The following VPS13B variants were observed in gnomAD, a reference collection of about 807,000 sequenced individuals.
VPS13B encodes intermembrane lipid transfer protein VPS13B.
A neutral mutation model predicts 426.4 loss-of-function variants in VPS13B; 285 were observed. That is an observed-to-expected ratio of 0.67 (90% confidence interval 0.61 to 0.74). The LOEUF (loss-of-function observed/expected upper bound fraction) is 0.74. Among genes scored for constraint, VPS13B ranks in the 30% least tolerant of loss-of-function variants. The pLI is 0.00. For missense variants in VPS13B, 4,537 were observed against 4,782.6 expected, an observed-to-expected ratio of 0.95 and a Z score of 1.51; for synonymous variants, 1,676 against 1,676.4, an observed-to-expected ratio of 1.00 and a Z score of 0.01.
At chr8:99,500,086 A>G (rs1403444870) in intron 25 of VPS13B, among the ~76,000 whole-genome samples, 47 of 152,148 alleles carry the variant, frequency 3.1e-4, no homozygotes, top group Admixed American at 3.0e-3. Flanking sequence ...TTTAATTATC[A>G]TTCCTGCTTT....
At chr8:99,704,630 A>G (rs1832423626) in intron 36 of VPS13B, among the ~76,000 whole-genome samples, 2 of 152,166 alleles carry the variant, frequency 1.3e-5, no homozygotes, top group African/African-American at 4.8e-5. Flanking sequence ...CCAGAGGACA[A>G]ACTTAACTTT....
intron 55 of VPS13B, among the ~76,000 whole-genome samples, chr8:99,851,277 G>A (rs1816281119): frequency 6.6e-6 from 1 of 152,130 alleles, no homozygotes; most frequent in Non-Finnish European, 1.5e-5. Flanking sequence ...GGGCTTATTG[G>A]ATGCCTAGCA....
chr8:99,868,969 C>T lies in VPS13B; in HGVS notation c.11392+504C>T, dbSNP rs1010632098. Among the ~76,000 whole-genome samples the T allele has an allele frequency of 5.9e-5, 9 of 152,352 alleles. 1 individual carries two copies. Among genetic ancestry groups the T allele is most frequent in the African/African-American group, 2.2e-4 (9 of 41,584 alleles). On this transcript the variant is annotated intron_variant, in intron 59 of 61. Transcript: ENST00000357162. The stretch of plus-strand genomic sequence containing the variant: ...AAGGGTCTGCAACCAGAAGCCCTTT[C>T]ACAAGGCAGACAGCTGGGAAGTGCG...
At chr8:99,215,148 AG>A (rs1815314918) in intron 17 of VPS13B, among the ~76,000 whole-genome samples, 1 of 152,126 alleles carries the variant, frequency 6.6e-6, no homozygotes, top group South Asian at 2.1e-4. Flanking sequence ...AAAGATGATA[AG>A]TGTTGTATGT....
chr8:99,467,656 A>G (rs561060705), intron 24 of VPS13B, 22 bp downstream of exon 24: 1 of 1,601,800 alleles, frequency 6.2e-7, no homozygotes, highest in African/African-American at 1.5e-5. Context: ...TGATTTATGA[A>G]AGGAAATTTA....
rs549084697 is a variant in VPS13B, at chr8:99,862,594, T to A, written c.11215+648T>A. Reference sequence around the variant, plus strand: ...TTGCAGGGCAGGATTTTCAAGGATTTTTTTGTTTATTTGTTTGCAAAAGAA... The same window carrying A: ...TTGCAGGGCAGGATTTTCAAGGATTATTTTGTTTATTTGTTTGCAAAAGAA... On this transcript the variant is annotated intron_variant, in intron 58 of 61. Transcript: ENST00000357162. Among the ~76,000 whole-genome samples, 4 of 152,346 alleles carry A rather than the reference T, an allele frequency of 2.6e-5. No homozygotes were observed. In the South Asian group the frequency reaches 8.3e-4, roughly 32 times the overall value.
At chr8:99,510,675 T>C (rs1262176745) in intron 28 of VPS13B, among the ~76,000 whole-genome samples, 1 of 152,132 alleles carries the variant, frequency 6.6e-6, no homozygotes, top group East Asian at 1.9e-4. Flanking sequence ...CACATCTGGC[T>C]AATTTTTTGT....
intron 51 of VPS13B, among the ~76,000 whole-genome samples, chr8:99,827,928 C>A (rs1184172711): frequency 6.6e-6 from 1 of 151,882 alleles, no homozygotes; most frequent in Non-Finnish European, 1.5e-5. Flanking sequence ...TCTAATTGCA[C>A]TGTGGTCTGA....
chr8:99,342,970 T>G (rs1811332097), intron 19 of VPS13B, among the ~76,000 whole-genome samples: 2 of 152,186 alleles, frequency 1.3e-5, no homozygotes, highest in Admixed American at 6.6e-5. Flanking sequence ...TCATTGTGGT[T>G]TTAGTTTGCA....
chr8:99,723,446 A>G (rs981436791), intron 39 of VPS13B, among the ~76,000 whole-genome samples: 5 of 152,198 alleles, frequency 3.3e-5, no homozygotes, highest in South Asian at 2.1e-4. Flanking sequence ...TGGATTAGGG[A>G]TCTTCAACTA....
intron 19 of VPS13B, chr8:99,340,435 A>G: frequency 2.1e-6 from 1 of 481,164 alleles, no homozygotes; most frequent in South Asian, 1.6e-5. Flanking sequence ...GTGTTTCAAT[A>G]AAGCCTTCAG....
At chr8:99,296,784 C>T (rs1820064359) in intron 19 of VPS13B, among the ~76,000 whole-genome samples, 1 of 152,102 alleles carries the variant, frequency 6.6e-6, no homozygotes, top group Non-Finnish European at 1.5e-5. Flanking sequence ...CCTTCTGCCA[C>T]GTGAGGACAT....
chr8:99,644,516 C>A (rs1829499660), intron 34 of VPS13B, among the ~76,000 whole-genome samples: 1 of 151,834 alleles, frequency 6.6e-6, no homozygotes, highest in Admixed American at 6.6e-5. Context: ...ACGTGGAACC[C>A]AATTTTGGTA....
At chr8:99,168,851 C>T (rs1812167800) in intron 15 of VPS13B, among the ~76,000 whole-genome samples, 1 of 151,892 alleles carries the variant, frequency 6.6e-6, no homozygotes, top group South Asian at 2.1e-4. Flanking sequence ...CTTTGAAATG[C>T]AGTTTTCCTT....
chr8:99,353,244 A>C (rs1236864637), intron 19 of VPS13B, among the ~76,000 whole-genome samples: 4 of 152,152 alleles, frequency 2.6e-5, no homozygotes, highest in Non-Finnish European at 5.9e-5. Context: ...TTGGCCTCCC[A>C]AAGTGCTGGG....
At chr8:99,373,748 GGGA>G (rs1813323100) in intron 19 of VPS13B, among the ~76,000 whole-genome samples, 1 of 152,100 alleles carries the variant, frequency 6.6e-6, no homozygotes, top group Non-Finnish European at 1.5e-5. Flanking sequence ...AGCCTGAGAT[GGGA>G]GGATCACTTG....
At chr8:99,525,731 T>A (rs1358832743) in intron 30 of VPS13B, among the ~76,000 whole-genome samples, 5 of 152,124 alleles carry the variant, frequency 3.3e-5, no homozygotes, top group African/African-American at 4.8e-5. Context: ...TACAAGCTAA[T>A]AAATAAATCA....
intron 16 of VPS13B, among the ~76,000 whole-genome samples, chr8:99,174,509 G>A (rs981540202): frequency 5.9e-5 from 9 of 152,142 alleles, no homozygotes; most frequent in African/African-American, 2.2e-4. Flanking sequence ...TAACAAATAT[G>A]AGGTGATATC....
intron 3 of VPS13B, among the ~76,000 whole-genome samples, chr8:99,064,227 C>A (rs1290842589): frequency 6.6e-6 from 1 of 152,100 alleles, no homozygotes; most frequent in African/African-American, 2.4e-5. Context: ...TCCTCGCCAG[C>A]AACAGAACAA....
Sources: gnomAD v4.1 joint callset for allele counts (sites outside exome capture counted in the v4.1 genomes callset) on GRCh38, gnomAD v4.1.1 for gene constraint, MANE v1.5 for transcripts, NCBI Gene and HGNC (gene_info 2026-07-23, HGNC 2026-07-21) for gene names.